Variants in NETO1 observed in about 807,000 individuals in gnomAD.
NETO1 encodes the protein neuropilin and tolloid-like protein 1.
NETO1 carries 26 observed loss-of-function variants against 61.3 expected under a neutral mutation model. The ratio of observed to expected loss-of-function variants is 0.42; its 90% CI spans 0.31 to 0.59. The LOEUF is 0.59. NETO1 is among the 20% of genes least tolerant of loss of function. The pLI is 0.12. For synonymous variants in NETO1, 225 were observed against 225.8 expected, an observed-to-expected ratio of 1.00 and a Z score of 0.03; for missense variants, 531 against 662.8, an observed-to-expected ratio of 0.80 and a Z score of 2.18.
At chr18:72,861,687 C>T (rs1218242650) in intron 3 of NETO1, among the ~76,000 whole-genome samples, 1 of 152,182 alleles carries the variant, frequency 6.6e-6, no homozygotes, top group African/African-American at 2.4e-5. Context: ...ACTGGGACCT[C>T]GCTTGTATTC....
intron 4 of NETO1, among the ~76,000 whole-genome samples, chr18:72,807,918 A>G (rs1233638952): frequency 6.6e-6 from 1 of 152,172 alleles, no homozygotes; most frequent in Admixed American, 6.6e-5. Flanking sequence ...CTGCCCCTTA[A>G]TTCTCTCAGA....
chr18:72,763,980 A>C (rs2145145177), intron 7 of NETO1, among the ~76,000 whole-genome samples: 1 of 152,290 alleles, frequency 6.6e-6, no homozygotes, highest in African/African-American at 2.4e-5. Flanking sequence ...AGTGACAATC[A>C]GCGAAGGGGG....
At chr18:72,866,279 T>C (rs886153534) in intron 1 of NETO1, among the ~76,000 whole-genome samples, 1 of 152,242 alleles carries the variant, frequency 6.6e-6, no homozygotes, top group South Asian at 2.1e-4. Flanking sequence ...TATACATTTA[T>C]ACTTAAACAT....
rs1294311535 is a variant in NETO1, at chr18:72,744,127, A to G, written c.*4052T>C. ...TTTTAAGAGAGCATTTACCTCTTTA[A>G]TAATACACAAGAAAGTACAGAATCA... On this transcript the variant is annotated 3_prime_UTR_variant, in exon 11 of 11. Coordinates refer to ENST00000327305, the MANE Select transcript of NETO1 (RefSeq NM_138966.5). The G allele has an allele frequency of 6.6e-6, 1 of 152,212 alleles. No individual in the cohort carries two copies. Among genetic ancestry groups the G allele is most frequent in the Non-Finnish European group, 1.5e-5 (1 of 68,036 alleles). 9.4% of individuals were successfully genotyped at this position (152,212 alleles called of 1,614,324 possible). A position where few individuals can be genotyped will look rare whatever the true frequency, so the allele number is the denominator to read the frequency against.
At chr18:72,750,872 TACACAC>T (rs142668353) in intron 8 of NETO1, among the ~76,000 whole-genome samples, 7,625 of 118,578 alleles carry the variant, frequency 0.064, 208 homozygotes, top group South Asian at 0.12. Flanking sequence ...CAGCTTAAAA[TACACAC>T]ACACACACAC....
intron 7 of NETO1, among the ~76,000 whole-genome samples, chr18:72,778,404 C>A (rs1379661455): frequency 6.6e-6 from 1 of 152,088 alleles, no homozygotes; most frequent in African/African-American, 2.4e-5. Context: ...TTTTTGCTTC[C>A]ATTTTTATTA....
chr18:72,856,476 C>G (rs1470577678), intron 4 of NETO1, among the ~76,000 whole-genome samples: 1 of 152,164 alleles, frequency 6.6e-6, no homozygotes, highest in Non-Finnish European at 1.5e-5. Flanking sequence ...ATAAAAACAA[C>G]AGCTATCGAT....
rs1235650111 is a variant in NETO1 at position 72,824,089 on chromosome 18, AG to A, written c.470-29686del. Among the ~76,000 whole-genome samples the A allele has an allele frequency of 2.8e-4, 42 of 152,340 alleles. 1 individual carries two copies. Among genetic ancestry groups the A allele is most frequent in the African/African-American group, 1.0e-3 (42 of 41,588 alleles). On this transcript the variant is annotated intron_variant, in intron 4 of 10. Transcript: ENST00000327305. ...TTGTACAACTGCATGTCTGTGTTGT[AG>A]CATTTTGTTCTAAAGTAATAATGTT...
intron 4 of NETO1, among the ~76,000 whole-genome samples, chr18:72,825,796 T>C (rs1244597409): frequency 6.6e-6 from 1 of 152,166 alleles, no homozygotes. Context: ...ATGCGATCTT[T>C]AAAAGTGAAA....
Position 72,779,771 on chromosome 18 carries a change from G to A in NETO1, c.868+3907C>T, listed in dbSNP as rs112633650. 4.1e-3 allele frequency among the ~76,000 whole-genome samples: 627 copies of A among 152,260 alleles called. 5 individuals carry two copies. Among genetic ancestry groups the A allele is most frequent in the Non-Finnish European group, 4.6e-3 (313 of 68,014 alleles). ...ATTATGACAAATATACACAGGCATC[G>A]TCTGAGTCTGTTTGGGTTACTACAG... On this transcript the variant is annotated intron_variant, in intron 7 of 10. Transcript: ENST00000327305.
At chr18:72,802,840 G>A (rs1352529578) in intron 4 of NETO1, among the ~76,000 whole-genome samples, 3 of 152,156 alleles carry the variant, frequency 2.0e-5, no homozygotes, top group Non-Finnish European at 4.4e-5. Flanking sequence ...TCATGATGAA[G>A]CATTAAAAAC....
chr18:72,846,504 CAAAAAAAAA>C (rs35252443), intron 4 of NETO1, among the ~76,000 whole-genome samples: 67 of 12,996 alleles, frequency 5.2e-3, no homozygotes, highest in African/African-American at 0.016. Context: ...GACTTCATCT[CAAAAAAAAA>C]AAAAAAAAAA....
intron 4 of NETO1, among the ~76,000 whole-genome samples, chr18:72,818,415 A>AC (rs777074202): frequency 1.3e-5 from 2 of 152,256 alleles, no homozygotes; most frequent in African/African-American, 2.4e-5. Context: ...CTACAAAGGC[A>AC]CAATGAGCAG....
intron 7 of NETO1, among the ~76,000 whole-genome samples, chr18:72,762,964 CAT>C (rs1200052160): frequency 5.3e-5 from 8 of 152,170 alleles, no homozygotes; most frequent in Non-Finnish European, 1.2e-4. Flanking sequence ...AATAAAGAAT[CAT>C]AGAACACATT....
chr18:72,843,843 TA>T (rs1245877133), intron 4 of NETO1, among the ~76,000 whole-genome samples: 1 of 152,230 alleles, frequency 6.6e-6, no homozygotes, highest in Non-Finnish European at 1.5e-5. Context: ...GATAAGAGGC[TA>T]GGACTGAATA....
intron 4 of NETO1, among the ~76,000 whole-genome samples, chr18:72,821,353 A>G (rs1034399941): frequency 4.6e-5 from 7 of 150,902 alleles, no homozygotes; most frequent in African/African-American, 1.7e-4. Flanking sequence ...GACCAGCCTG[A>G]CCAACACGGA....
rs778927417 is a variant in NETO1 at position 72,867,323 on chromosome 18, C to T, written c.-32G>A. ...GCGTTACACCAGAGGCTCCGGGCTC[C>T]ACTAATTCCATTTAGAGACGGGAAG... is the stretch of plus-strand genomic sequence containing the variant. On this transcript the variant is annotated 5_prime_UTR_variant, in exon 1 of 11. Transcript: ENST00000327305. 6.4e-7 allele frequency: 1 copy of T among 1,551,988 alleles called. No individual in the cohort carries two copies. The highest frequency in any genetic ancestry group is 8.7e-7 in the Non-Finnish European group (1 of 1,148,300).
In NETO1 at chr18:72,867,838, G is replaced by GC. The variant is rs1259859172; in HGVS notation, c.-548dup. On this transcript the variant is annotated 5_prime_UTR_variant, in exon 1 of 11. It introduces an in-frame stop codon into an upstream open reading frame of the 5' UTR. Coordinates refer to ENST00000327305, the MANE Select transcript of NETO1 (RefSeq NM_138966.5). ...CAGTCCCCAGTCTCAGACGCGCCGC[G>GC]CAGCAGGTCGGAGCAGCCTCCCCGG... The GC allele has an allele frequency of 6.4e-6, 1 of 155,216 alleles. No homozygotes were observed. The highest frequency in any genetic ancestry group is 1.4e-5 in the Non-Finnish European group (1 of 70,498). The allele number at this position is 155,216 out of a possible 1,614,324, so 9.6% of individuals were successfully genotyped here.
downstream of NETO1, among the ~76,000 whole-genome samples, chr18:72,743,147 G>A (rs2070367976): frequency 1.3e-5 from 2 of 152,088 alleles, no homozygotes; most frequent in Non-Finnish European, 2.9e-5. Context: ...AAATTCCTTT[G>A]GATAGTATTC....
Sources: allele counts gnomAD v4.1 joint callset (sites outside exome capture counted in the v4.1 genomes callset), GRCh38; gene constraint gnomAD v4.1.1; transcripts MANE v1.5; gene names NCBI Gene and HGNC (gene_info 2026-07-23, HGNC 2026-07-21).